The following NBAS variants were observed in gnomAD, a reference collection of about 807,000 sequenced individuals.
NBAS encodes NBAS subunit of NRZ tethering complex, also known as NAG/BC035112 fusion.
Under a neutral mutation model 302.5 loss-of-function variants are expected in NBAS, and 219 were observed. The ratio of observed to expected loss-of-function variants is 0.72; its 90% CI spans 0.65 to 0.81. The LOEUF (loss-of-function observed/expected upper bound fraction) is 0.81. NBAS is among the 30% of genes least tolerant of loss of function. NBAS has a pLI of 0.00. For missense variants in NBAS, 2,932 were observed against 2,841.6 expected (o/e 1.03, Z -0.72); for synonymous variants, 1,118 against 1,021.6 (o/e 1.09, Z -1.80).
chr2:15,362,526 A>G (rs1290025708), intron 32 of NBAS, among the ~76,000 whole-genome samples: 1 of 152,076 alleles, frequency 6.6e-6, no homozygotes, highest in Non-Finnish European at 1.5e-5. Context: ...TAAATTCTTA[A>G]AAAGGGATGA....
chr2:14,785,709 G>A, the NBAS span, among the ~76,000 whole-genome samples: 44 of 152,226 alleles, frequency 2.9e-4, no homozygotes, highest in Non-Finnish European at 3.7e-4. Context: ...ATGTACTGCC[G>A]GATTCAGTTT....
At chr2:15,263,402 A>C (rs1456458828) in intron 44 of NBAS, among the ~76,000 whole-genome samples, 1 of 152,100 alleles carries the variant, frequency 6.6e-6, no homozygotes, top group African/African-American at 2.4e-5. Context: ...GCTAAAAGTA[A>C]TCTTTCTAAA....
intron 50 of NBAS, among the ~76,000 whole-genome samples, chr2:15,184,013 G>A (rs981711072): frequency 2.0e-5 from 3 of 152,166 alleles, no homozygotes; most frequent in Admixed American, 1.3e-4. Flanking sequence ...AGCTAAATCA[G>A]AACTTTTCAT....
In NBAS at chr2:15,275,789, T is replaced by C. The variant is rs750226663; in HGVS notation, c.5419A>G (p.Asn1807Asp). Reference sequence around the variant, plus strand: ...TCCAATGCTTCAAGAGGACTCATGTTTTCATCTGTCAGCTTTTTGTAATTA... The same window carrying C: ...TCCAATGCTTCAAGAGGACTCATGTCTTCATCTGTCAGCTTTTTGTAATTA... ...GLNYKKLTDENMSPLEALEPV... is the reference protein window; with the variant it reads ...GLNYKKLTDEDMSPLEALEPV... Residue 1807 changes from asparagine (N) to aspartate (D), a missense_variant, in exon 44 of 52, where the codon AAC (asparagine) becomes GAC (aspartate). By Grantham distance (23) the Asn-to-Asp change is conservative (BLOSUM62 1). Coordinates refer to ENST00000281513, the MANE Select transcript of NBAS (RefSeq NM_015909.4). 3.6e-5 allele frequency: 58 copies of C among 1,613,824 alleles called. No homozygotes were observed. The highest frequency in any genetic ancestry group is 4.7e-5 in the Non-Finnish European group (56 of 1,180,016).
chr2:15,107,268 T>C, the NBAS span, among the ~76,000 whole-genome samples: 2 of 152,058 alleles, frequency 1.3e-5, no homozygotes, highest in Admixed American at 6.6e-5. Context: ...AGAAAGGCCA[T>C]GTGAGGACAT....
At chr2:15,465,980 A>G (rs1241913036) in intron 19 of NBAS, among the ~76,000 whole-genome samples, 1 of 152,202 alleles carries the variant, frequency 6.6e-6, no homozygotes, top group Non-Finnish European at 1.5e-5. Flanking sequence ...AGGCATATCA[A>G]CATGACGTGT....
intron 48 of NBAS, among the ~76,000 whole-genome samples, chr2:15,204,192 G>A (rs1203017236): frequency 6.6e-5 from 10 of 152,018 alleles, no homozygotes; most frequent in Admixed American, 3.9e-4. Context: ...CCAGGAGGAT[G>A]GGGCTGCAGC....
At chr2:15,048,428 C>G in the NBAS span, among the ~76,000 whole-genome samples, 1 of 152,244 alleles carries the variant, frequency 6.6e-6, no homozygotes, top group African/African-American at 2.4e-5. Context: ...CCCAGGCCTC[C>G]TCTCCAAGGA....
chr2:15,545,078 T>C (rs1417531782), intron 6 of NBAS, among the ~76,000 whole-genome samples: 2 of 152,026 alleles, frequency 1.3e-5, no homozygotes, highest in African/African-American at 4.8e-5. Flanking sequence ...ATGTGAAACA[T>C]TCATGAAGAC....
chr2:15,117,254 C>G, the NBAS span, among the ~76,000 whole-genome samples: 1 of 152,160 alleles, frequency 6.6e-6, no homozygotes, highest in South Asian at 2.1e-4. Flanking sequence ...TAACTCTGCA[C>G]CCAAAGCCAG....
chr2:15,559,123 A>G (rs2148721006), intron 1 of NBAS, among the ~76,000 whole-genome samples: 1 of 150,710 alleles, frequency 6.6e-6, no homozygotes, highest in Non-Finnish European at 1.5e-5. Context: ...GAGAAAAGTG[A>G]GCATAGCAGA....
Position 15,366,583 on chromosome 2 carries a change from C to A in NBAS, c.3814G>T (p.Ala1272Ser). The change falls in exon 32 of 52, where the codon GCA becomes TCA. Residue 1272 changes from alanine (A) to serine (S), a missense_variant. Physicochemically the swap from Ala to Ser is moderately conservative, Grantham distance 99 (BLOSUM62 1). Coordinates refer to ENST00000281513, the MANE Select transcript of NBAS (RefSeq NM_015909.4). ...LLGLAELLRV[A>S]GENPEERRGQ... ...GTTTAGTACTCAAAAGACTTACCTGCAACCCTCAGCAGCTCAGCAAGGCCC... is the reference window on the plus strand; with the variant it reads ...GTTTAGTACTCAAAAGACTTACCTGAAACCCTCAGCAGCTCAGCAAGGCCC... The A allele has an allele frequency of 6.2e-7, 1 of 1,613,678 alleles. No individual in the cohort carries two copies. Among genetic ancestry groups the A allele is most frequent in the Non-Finnish European group, 8.5e-7 (1 of 1,179,624 alleles).
At chr2:15,442,243 C>G (rs1678463716) in intron 21 of NBAS, among the ~76,000 whole-genome samples, 1 of 88,680 alleles carries the variant, frequency 1.1e-5, no homozygotes, top group Non-Finnish European at 2.8e-5. Context: ...CCAAAATTGA[C>G]CACATAGTTG....
the NBAS span, among the ~76,000 whole-genome samples, chr2:14,800,649 T>C: frequency 6.6e-6 from 1 of 152,216 alleles, no homozygotes; most frequent in Non-Finnish European, 1.5e-5. Flanking sequence ...CTTTATTACA[T>C]TTATAAACCT....
chr2:15,227,184 T>C (rs964291957), intron 47 of NBAS, among the ~76,000 whole-genome samples: 1 of 152,100 alleles, frequency 6.6e-6, no homozygotes, highest in African/African-American at 2.4e-5. Context: ...AAAATCAACA[T>C]ACAAAAATCA....
At chr2:15,033,165 G>A in the NBAS span, among the ~76,000 whole-genome samples, 4 of 152,238 alleles carry the variant, frequency 2.6e-5, no homozygotes, top group African/African-American at 9.6e-5. Flanking sequence ...TTCTGAAGAT[G>A]TAAGGTTTAG....
intron 39 of NBAS, among the ~76,000 whole-genome samples, chr2:15,308,593 C>G (rs1474879220): frequency 6.6e-6 from 1 of 152,194 alleles, no homozygotes; most frequent in Non-Finnish European, 1.5e-5. Context: ...AATTGACTCT[C>G]TAGATACTGA....
Position 15,409,629 on chromosome 2 carries a change from ACT to A in NBAS, c.2937+5915_2937+5916del, listed in dbSNP as rs761645180. ...TTCTATGTGCTCTTTTTCAAATCTT[ACT>A]CTTTTTTTCACAATTTCTCCTTCCT... On this transcript the variant is annotated intron_variant, in intron 25 of 51. Transcript: ENST00000281513. Among the ~76,000 whole-genome samples, 22 of 150,552 alleles carry A rather than the reference ACT, an allele frequency of 1.5e-4. No homozygotes were observed. The East Asian group carries it at 2.2e-3, about 15-fold the overall frequency.
intron 5 of NBAS, among the ~76,000 whole-genome samples, chr2:15,552,104 T>C (rs1185428923): frequency 6.6e-6 from 1 of 152,224 alleles, no homozygotes; most frequent in Non-Finnish European, 1.5e-5. Flanking sequence ...GTAAACCTTC[T>C]AGAAAATAAT....
Sources: gnomAD v4.1 joint callset for allele counts (sites outside exome capture counted in the v4.1 genomes callset) on GRCh38, gnomAD v4.1.1 for gene constraint, MANE v1.5 for transcripts, NCBI Gene and HGNC (gene_info 2026-07-23, HGNC 2026-07-21) for gene names.